The following LRCH2 variants were observed in gnomAD, a reference collection of about 807,000 sequenced individuals.
LRCH2 encodes leucine rich repeats and calponin homology domain containing 2.
A neutral mutation model predicts 68.9 loss-of-function variants in LRCH2; 38 were observed. That is an observed-to-expected ratio of 0.55 (90% CI 0.43 to 0.72). LRCH2 has a LOEUF of 0.72. LRCH2 is among the 30% of genes least tolerant of loss of function. The pLI, the probability that LRCH2 is intolerant of heterozygous loss-of-function variation, is 0.00. For missense variants in LRCH2, 528 were observed against 572.9 expected (o/e 0.92, Z 0.80); for synonymous variants, 191 against 208.1 (o/e 0.92, Z 0.71).
intron 2 of LRCH2, among the ~76,000 whole-genome samples, chrX:115,187,665 C>T (rs1446564585): frequency 8.9e-6 from 1 of 112,376 alleles, no homozygotes; most frequent in East Asian, 2.8e-4. Flanking sequence ...GTTTGGAACA[C>T]TGACTGCCTG....
intron 14 of LRCH2, among the ~76,000 whole-genome samples, chrX:115,141,871 C>CA (rs782180667): frequency 0.037 from 1,882 of 50,852 alleles, 54 homozygotes; most frequent in African/African-American, 0.12. Context: ...AAGACTCCAC[C>CA]AAAAAAAAAA....
chrX:115,225,642 C>T (rs1556575983), intron 1 of LRCH2, among the ~76,000 whole-genome samples: 1 of 111,423 alleles, frequency 9.0e-6, no homozygotes, highest in Non-Finnish European at 1.9e-5. Context: ...CAAAACACCC[C>T]TCAAAGAGCA....
intron 1 of LRCH2, chrX:115,190,308 T>G: frequency 8.7e-7 from 1 of 1,154,137 alleles, no homozygotes; most frequent in Non-Finnish European, 1.2e-6. Context: ...GTCGCGACCA[T>G]GAGTACACAG....
intron 12 of LRCH2, among the ~76,000 whole-genome samples, chrX:115,152,383 T>A: frequency 8.9e-6 from 1 of 111,826 alleles, no homozygotes; most frequent in Non-Finnish European, 1.9e-5. Flanking sequence ...TGTCATTTAA[T>A]CAAAAATTCA....
intron 1 of LRCH2, chrX:115,191,864 G>T: frequency 8.7e-7 from 1 of 1,145,395 alleles, no homozygotes. Flanking sequence ...AGTTCCAGCC[G>T]GAACGACCCC....
intron 2 of LRCH2, among the ~76,000 whole-genome samples, chrX:115,186,992 G>C (rs894514692): frequency 9.1e-6 from 1 of 110,209 alleles, no homozygotes; most frequent in Non-Finnish European, 1.9e-5. Context: ...CTAATTTTTT[G>C]TAATTTTAGT....
chrX:115,174,614 C>T (rs973698930), intron 5 of LRCH2, among the ~76,000 whole-genome samples: 2 of 103,493 alleles, frequency 1.9e-5, no homozygotes, highest in Admixed American at 1.1e-4. Flanking sequence ...CACACACACA[C>T]ACACTATATT....
At chrX:115,172,734 A>G (rs2147396473) in intron 5 of LRCH2, among the ~76,000 whole-genome samples, 1 of 104,819 alleles carries the variant, frequency 9.5e-6, no homozygotes, top group Admixed American at 1.1e-4. Flanking sequence ...AAACGTATCA[A>G]ATCATCTCTT....
chrX:115,172,577 TATG>T (rs1233050317), intron 5 of LRCH2, among the ~76,000 whole-genome samples: 1 of 111,448 alleles, frequency 9.0e-6, no homozygotes, highest in Non-Finnish European at 1.9e-5. Context: ...TACAGAGTAA[TATG>T]ATTACATTTC....
chrX:115,151,228 G>A, intron 12 of LRCH2, among the ~76,000 whole-genome samples: 1 of 111,191 alleles, frequency 9.0e-6, no homozygotes, highest in Non-Finnish European at 1.9e-5. Flanking sequence ...CTTTCTACTA[G>A]CTCCAGAATC....
intron 14 of LRCH2, among the ~76,000 whole-genome samples, chrX:115,132,150 C>G (rs184327309): frequency 1.6e-3 from 180 of 111,764 alleles, no homozygotes; most frequent in African/African-American, 5.6e-3. Context: ...TCATGAAGTC[C>G]TTGCCCATGC....
chrX:115,148,373 G>A (rs1556537144), intron 14 of LRCH2, among the ~76,000 whole-genome samples: 1 of 112,114 alleles, frequency 8.9e-6, no homozygotes, highest in African/African-American at 3.2e-5. Flanking sequence ...TAAGTGCTAT[G>A]TAAGTTTTTT....
At chrX:115,213,618 G>T (rs1556570597) in intron 1 of LRCH2, among the ~76,000 whole-genome samples, 1 of 111,981 alleles carries the variant, frequency 8.9e-6, no homozygotes. Flanking sequence ...ACACTTCAGT[G>T]AAAGAATGCA....
intron 6 of LRCH2, among the ~76,000 whole-genome samples, chrX:115,168,645 T>C (rs2072582896): frequency 9.0e-6 from 1 of 111,243 alleles, no homozygotes; most frequent in East Asian, 2.8e-4. Flanking sequence ...ATCTCCAAAA[T>C]ATATCTTAAT....
At chrX:115,127,576 A>C (rs912727250) in intron 15 of LRCH2, among the ~76,000 whole-genome samples, 9 of 111,533 alleles carry the variant, frequency 8.1e-5, no homozygotes, top group Admixed American at 9.6e-5. Context: ...GTATACAGGT[A>C]ATACAACATT....
At chrX:115,150,201 C>A (rs1035456004) in intron 12 of LRCH2, 131 bp from the exon 13 acceptor site, 3 of 463,304 alleles carry the variant, frequency 6.5e-6, no homozygotes, top group South Asian at 6.5e-5. Context: ...TTTGGCCTAA[C>A]AACATAAAAC....
intron 11 of LRCH2, among the ~76,000 whole-genome samples, chrX:115,157,776 C>T (rs1389251297): frequency 2.8e-5 from 3 of 108,625 alleles, no homozygotes; most frequent in African/African-American, 1.0e-4. Context: ...AAGAAGAGAC[C>T]GCAGTAAGTA....
At position 115,189,792 on chromosome X, in the gene LRCH2, C is replaced by A. The variant is rs1360125419; in HGVS notation, c.350-1422G>T. ...ACAGAACCCGTGGGGGTGGCAGCAGCCCACAGCGACCCCCCTCTCAGGGCA... is the reference window on the plus strand; with the variant it reads ...ACAGAACCCGTGGGGGTGGCAGCAGACCACAGCGACCCCCCTCTCAGGGCA... On this transcript the variant is annotated intron_variant, in intron 1 of 20. Coordinates refer to ENST00000317135, the MANE Select transcript of LRCH2 (RefSeq NM_020871.4). 4 of 1,166,092 alleles carry A rather than the reference C, an allele frequency of 3.4e-6. No homozygotes were observed. The Admixed American group carries it at 1.0e-4, about 30-fold the overall frequency.
At chrX:115,200,523 A>G (rs1229241223) in intron 1 of LRCH2, among the ~76,000 whole-genome samples, 1 of 110,984 alleles carries the variant, frequency 9.0e-6, no homozygotes, top group East Asian at 2.8e-4. Context: ...CAAACAAGAA[A>G]ACCTAGAGGA....
Sources: gnomAD v4.1 joint callset for allele counts (sites outside exome capture counted in the v4.1 genomes callset) on GRCh38, gnomAD v4.1.1 for gene constraint, MANE v1.5 for transcripts, NCBI Gene and HGNC (gene_info 2026-07-23, HGNC 2026-07-21) for gene names.